NPAS3: variants seen among roughly 807,000 people sequenced by gnomAD.
The protein encoded by NPAS3 is neuronal PAS domain-containing protein 3.
In NPAS3, 14 loss-of-function variants were observed where a neutral mutation model predicts 73.1. The observed-to-expected ratio is 0.19, with a 90% confidence interval of 0.13 to 0.30. The LOEUF (loss-of-function observed/expected upper bound fraction) is 0.30, where lower values mean the gene tolerates loss of function less well. Ranked by LOEUF, NPAS3 falls within the 10% of genes least tolerant of loss-of-function variation. NPAS3 has a pLI of 1.00. For missense variants in NPAS3, 1,096 were observed against 1,250.0 expected (o/e 0.88, Z 1.86); for synonymous variants, 620 against 541.5 (o/e 1.14, Z -2.01).
chr14:33,390,902 T>C (rs1268120140), intron 4 of NPAS3, among the ~76,000 whole-genome samples: 1 of 152,194 alleles, frequency 6.6e-6, no homozygotes, highest in Non-Finnish European at 1.5e-5. Context: ...TGTTTGATAA[T>C]TTAGAAACTT....
chr14:33,727,217 G>A (rs537194638), intron 6 of NPAS3, among the ~76,000 whole-genome samples: 43 of 151,890 alleles, frequency 2.8e-4, no homozygotes, highest in Admixed American at 8.5e-4. Context: ...ATGGATGGCC[G>A]CAGAGAAGAT....
At chr14:33,722,122 A>C (rs747223983) in intron 6 of NPAS3, among the ~76,000 whole-genome samples, 4 of 152,240 alleles carry the variant, frequency 2.6e-5, no homozygotes, top group Non-Finnish European at 4.4e-5. Flanking sequence ...GGCATTATAG[A>C]ATATACCATT....
At chr14:33,521,017 A>G (rs1251648114) in intron 4 of NPAS3, among the ~76,000 whole-genome samples, 1 of 152,160 alleles carries the variant, frequency 6.6e-6, no homozygotes, top group East Asian at 1.9e-4. Context: ...ATTTTAGGGT[A>G]GAATTCCAGC....
Position 33,129,995 on chromosome 14 carries a change from T to C in NPAS3, c.140+74001T>C, listed in dbSNP as rs533132920. 1.8e-4 allele frequency among the ~76,000 whole-genome samples: 27 copies of C among 152,324 alleles called. 1 individual carries two copies. Among genetic ancestry groups the C allele is most frequent in the Non-Finnish European group, 1.6e-4 (11 of 68,030 alleles). On this transcript the variant is annotated intron_variant, in intron 2 of 11. Transcript: ENST00000356141. Reference sequence around the variant, plus strand: ...TGGCTCCCTAATAGTGTGTAACATGTAGTTTTGTCACTTTTAATTTAGGAT... The same window carrying C: ...TGGCTCCCTAATAGTGTGTAACATGCAGTTTTGTCACTTTTAATTTAGGAT...
intron 2 of NPAS3, among the ~76,000 whole-genome samples, chr14:33,179,443 T>G (rs1423285263): frequency 1.3e-5 from 2 of 152,230 alleles, no homozygotes; most frequent in African/African-American, 4.8e-5. Context: ...ATGGGCTAAG[T>G]GTTTTTACTA....
At chr14:33,673,713 T>C (rs1056528039) in intron 5 of NPAS3, among the ~76,000 whole-genome samples, 1 of 152,112 alleles carries the variant, frequency 6.6e-6, no homozygotes, top group Non-Finnish European at 1.5e-5. Flanking sequence ...GGAACACAAC[T>C]CCAGGGGAGC....
At chr14:33,602,551 C>T (rs1184103128) in intron 5 of NPAS3, among the ~76,000 whole-genome samples, 2 of 152,226 alleles carry the variant, frequency 1.3e-5, no homozygotes, top group East Asian at 1.9e-4. Context: ...ACGCACTCAC[C>T]TCTTGCGCTG....
At chr14:33,095,764 G>C (rs1023665936) in intron 2 of NPAS3, among the ~76,000 whole-genome samples, 5 of 148,104 alleles carry the variant, frequency 3.4e-5, no homozygotes, top group African/African-American at 1.3e-4. Context: ...CGCCTCCCGG[G>C]TTCACGCCAT....
At chr14:33,352,242 C>T (rs1476640965) in intron 3 of NPAS3, among the ~76,000 whole-genome samples, 1 of 152,154 alleles carries the variant, frequency 6.6e-6, no homozygotes. Context: ...TTCTGGTAAC[C>T]ATATTTCTCT....
intron 7 of NPAS3, among the ~76,000 whole-genome samples, chr14:33,769,142 A>G (rs1352634756): frequency 6.6e-6 from 1 of 152,204 alleles, no homozygotes; most frequent in African/African-American, 2.4e-5. Flanking sequence ...AGTGGGTAAA[A>G]ATGCCTTTGG....
chr14:33,744,484 G>A (rs1595538880), intron 7 of NPAS3, among the ~76,000 whole-genome samples: 1 of 152,016 alleles, frequency 6.6e-6, no homozygotes. Context: ...CACTATAACA[G>A]GTATACTAAT....
intron 7 of NPAS3, among the ~76,000 whole-genome samples, chr14:33,745,474 A>T (rs1335420261): frequency 6.6e-6 from 1 of 152,204 alleles, no homozygotes; most frequent in African/African-American, 2.4e-5. Context: ...TTGTAAAATG[A>T]GAGTACCAAT....
intron 2 of NPAS3, among the ~76,000 whole-genome samples, chr14:33,180,666 G>A (rs1481469318): frequency 6.6e-6 from 1 of 151,858 alleles, no homozygotes; most frequent in Admixed American, 6.6e-5. Flanking sequence ...GGGCGTGGTG[G>A]TGGGCGCCTG....
chr14:32,939,822 G>T (rs1468865180), intron 1 of NPAS3, among the ~76,000 whole-genome samples: 1 of 151,764 alleles, frequency 6.6e-6, no homozygotes, highest in Non-Finnish European at 1.5e-5. Flanking sequence ...CGGCGAGCAG[G>T]GGGAGGAGGC....
chr14:33,523,077 G>A (rs1159272314), intron 4 of NPAS3, among the ~76,000 whole-genome samples: 1 of 152,108 alleles, frequency 6.6e-6, no homozygotes, highest in East Asian at 1.9e-4. Context: ...AAGATAGTTA[G>A]ACAAATACTG....
At chr14:33,085,448 G>T (rs1385457949) in intron 2 of NPAS3, among the ~76,000 whole-genome samples, 1 of 152,198 alleles carries the variant, frequency 6.6e-6, no homozygotes, top group African/African-American at 2.4e-5. Flanking sequence ...CAGAAGGGAA[G>T]GATTCATTGG....
chr14:33,155,807 C>T (rs778502483), intron 2 of NPAS3, among the ~76,000 whole-genome samples: 1 of 152,128 alleles, frequency 6.6e-6, no homozygotes, highest in South Asian at 2.1e-4. Context: ...TGTATTGATT[C>T]CCATTTTGGG....
intron 2 of NPAS3, among the ~76,000 whole-genome samples, chr14:33,135,605 A>G (rs2043801176): frequency 6.6e-6 from 1 of 152,188 alleles, no homozygotes; most frequent in South Asian, 2.1e-4. Context: ...TGATTATGAA[A>G]AGCAATTGTG....
At chr14:33,481,281 G>A (rs955872556) in intron 4 of NPAS3, among the ~76,000 whole-genome samples, 9 of 152,100 alleles carry the variant, frequency 5.9e-5, no homozygotes, top group East Asian at 1.9e-4. Flanking sequence ...CATTGCAAAC[G>A]TCACAAAGTA....
Sources: gnomAD v4.1 joint callset for allele counts (sites outside exome capture counted in the v4.1 genomes callset) on GRCh38, gnomAD v4.1.1 for gene constraint, MANE v1.5 for transcripts, NCBI Gene and HGNC (gene_info 2026-07-23, HGNC 2026-07-21) for gene names.